The following ALG9 variants were observed in gnomAD, a reference collection of about 807,000 sequenced individuals.
ALG9 encodes the protein alpha-1,2-mannosyltransferase ALG9.
ALG9 carries 55 observed loss-of-function variants against 81.8 expected under a neutral mutation model. The ratio of observed to expected loss-of-function variants is 0.67; its 90% confidence interval spans 0.54 to 0.84. The LOEUF is 0.84. Ranked by LOEUF, ALG9 falls within the 40% of genes least tolerant of loss-of-function variation. ALG9 has a pLI of 0.00. For synonymous variants in ALG9, 278 were observed against 274.3 expected, an observed-to-expected ratio of 1.01 and a Z score of -0.13; for missense variants, 629 against 745.0, an observed-to-expected ratio of 0.84 and a Z score of 1.81.
intron 14 of ALG9, among the ~76,000 whole-genome samples, chr11:111,789,007 CTT>C (rs553216815): frequency 1.5e-5 from 2 of 135,646 alleles, no homozygotes; most frequent in Admixed American, 7.5e-5. Flanking sequence ...TTTCAACTTT[CTT>C]TTTTTTTTTT....
intron 14 of ALG9, among the ~76,000 whole-genome samples, chr11:111,801,290 T>C (rs950959992): frequency 1.4e-4 from 22 of 152,196 alleles, no homozygotes; most frequent in African/African-American, 2.7e-4. Flanking sequence ...TCTACCTTAA[T>C]TGGCCCAAAG....
At chr11:111,849,204 C>T (rs556329469) in intron 8 of ALG9, among the ~76,000 whole-genome samples, 3 of 152,190 alleles carry the variant, frequency 2.0e-5, no homozygotes, top group East Asian at 1.9e-4. Context: ...GCATGCACCA[C>T]CACGCCCAGC....
chr11:111,778,792 A>C (rs1451193348), downstream of ALG9, among the ~76,000 whole-genome samples: 2 of 150,698 alleles, frequency 1.3e-5, no homozygotes, highest in East Asian at 3.9e-4. Flanking sequence ...GGTCAACCAG[A>C]TAGTGGCAAT....
In ALG9 at chr11:111,837,471, T is replaced by A. The variant is rs782435446; in HGVS notation, c.1469A>T (p.Asp490Val). Reference protein sequence around the residue: ...YRFPSSFLLPDNWQLQFIPSE... With the variant: ...YRFPSSFLLPVNWQLQFIPSE... ...TAGGAATTAAAGGACAACTTACTTGTCAGGAAGAAGGAAGCTGCTGGGAAA... is the reference window on the plus strand; with the variant it reads ...TAGGAATTAAAGGACAACTTACTTGACAGGAAGAAGGAAGCTGCTGGGAAA... Residue 490 changes from aspartate to valine, a missense_variant, in exon 12 of 15, where the codon GAC (aspartate) becomes GTC (valine). This residue lies in a region of ALG9 where 264 missense variants were observed against 302.2 expected (regional missense o/e 0.87). Coordinates refer to ENST00000616540, the MANE Select transcript of ALG9 (RefSeq NM_024740.2). 3.7e-6 allele frequency: 6 copies of A among 1,614,112 alleles called. No individual in the cohort carries two copies. The Admixed American group carries it at 1.0e-4, about 27-fold the overall frequency.
At chr11:111,867,104 CCAAA>C (rs781802793) in intron 3 of ALG9, among the ~76,000 whole-genome samples, 19 of 152,164 alleles carry the variant, frequency 1.2e-4, no homozygotes, top group South Asian at 6.2e-4. Flanking sequence ...CAAAAACAAA[CCAAA>C]CAAACAAACA....
At chr11:111,821,882 C>T (rs1337029568) in intron 13 of ALG9, among the ~76,000 whole-genome samples, 1 of 152,150 alleles carries the variant, frequency 6.6e-6, no homozygotes, top group African/African-American at 2.4e-5. Context: ...GATCCGCCTG[C>T]CTCGGCCTCC....
At chr11:111,830,098 A>T (rs781835535) in intron 13 of ALG9, among the ~76,000 whole-genome samples, 25 of 152,238 alleles carry the variant, frequency 1.6e-4, no homozygotes, top group Non-Finnish European at 1.2e-4. Context: ...AGGAAAATAC[A>T]TTTCACTTGA....
intron 6 of ALG9, among the ~76,000 whole-genome samples, chr11:111,855,601 A>G (rs1958539306): frequency 6.6e-6 from 1 of 152,250 alleles, no homozygotes. Context: ...TTGAGGAGAC[A>G]GCAGTACTAT....
chr11:111,831,758 T>C (rs902603216), intron 13 of ALG9, among the ~76,000 whole-genome samples: 12 of 152,210 alleles, frequency 7.9e-5, no homozygotes, highest in African/African-American at 2.9e-4. Context: ...TCTAAATCTA[T>C]GATTCTTTTT....
At chr11:111,867,565 T>C (rs1358116466) in intron 3 of ALG9, among the ~76,000 whole-genome samples, 1 of 152,020 alleles carries the variant, frequency 6.6e-6, no homozygotes, top group Non-Finnish European at 1.5e-5. Flanking sequence ...AAACTAAAAA[T>C]GCAATGGACG....
At chr11:111,824,796 T>G (rs1952960244) in intron 13 of ALG9, among the ~76,000 whole-genome samples, 1 of 152,220 alleles carries the variant, frequency 6.6e-6, no homozygotes, top group Non-Finnish European at 1.5e-5. Flanking sequence ...TAGATAAAGT[T>G]CTACCCAGGT....
At chr11:111,871,217 C>T in intron 1 of ALG9, 135 bp downstream of exon 1, 1 of 1,312,524 alleles carries the variant, frequency 7.6e-7, no homozygotes, top group Non-Finnish European at 9.6e-7. Flanking sequence ...TAGGACCTAG[C>T]TGAAGAGGGA....
At chr11:111,862,301 T>C (rs1433018838) in intron 4 of ALG9, among the ~76,000 whole-genome samples, 7 of 151,726 alleles carry the variant, frequency 4.6e-5, no homozygotes, top group East Asian at 1.9e-4. Context: ...TGGGGTGATC[T>C]TGGCTCACTG....
At chr11:111,797,980 T>C (rs1235878761) in intron 14 of ALG9, 1 of 157,184 alleles carries the variant, frequency 6.4e-6, no homozygotes, top group Non-Finnish European at 1.4e-5. Context: ...TCTAACTCCT[T>C]ATTTGTATTT....
At position 111,809,638 on chromosome 11, in the gene ALG9, C is replaced by T; in HGVS notation, c.1733+5G>A. On this transcript the variant is annotated splice_donor_5th_base_variant and intron_variant, in intron 14 of 14. Transcript: ENST00000616540. The stretch of plus-strand genomic sequence containing the variant: ...GGAATATCCCATAGGATTAAAGCCA[C>T]ATACCTAGAAGCATCAAGGAATGGT... The T allele has an allele frequency of 6.2e-7, 1 of 1,613,968 alleles. No individual in the cohort carries two copies. The highest frequency in any genetic ancestry group is 2.2e-5 in the East Asian group (1 of 44,870).
downstream of ALG9, among the ~76,000 whole-genome samples, chr11:111,779,783 A>ATTT (rs1945830821): frequency 6.6e-6 from 1 of 152,240 alleles, no homozygotes; most frequent in Non-Finnish European, 1.5e-5. Context: ...AGGGAAAAAA[A>ATTT]AGCTCATACT....
intron 8 of ALG9, among the ~76,000 whole-genome samples, chr11:111,850,644 T>C (rs936057312): frequency 7.4e-6 from 1 of 134,642 alleles, no homozygotes; most frequent in Non-Finnish European, 1.5e-5. Flanking sequence ...GAGGCAGAGG[T>C]TGCAGTGAGC....
chr11:111,783,793 C>A lies in ALG9; in HGVS notation c.*2604G>T, dbSNP rs1324216311. 5 of 152,060 alleles carry A rather than the reference C, an allele frequency of 3.3e-5. No individual in the cohort carries two copies. The highest frequency in any genetic ancestry group is 4.1e-4 in the South Asian group (2 of 4,828). 9.4% of individuals were successfully genotyped at this position (152,060 alleles called of 1,614,324 possible). A position where few individuals can be genotyped will look rare whatever the true frequency, so the allele number is the denominator to read the frequency against. Reference sequence around the variant, plus strand: ...CGTTCTGCCATGTATTGTGCTCTCACTAAAGACATACATAGAACAGAGAGA... The same window carrying A: ...CGTTCTGCCATGTATTGTGCTCTCAATAAAGACATACATAGAACAGAGAGA... On this transcript the variant is annotated 3_prime_UTR_variant, in exon 15 of 15. Coordinates refer to ENST00000616540, the MANE Select transcript of ALG9 (RefSeq NM_024740.2).
intron 14 of ALG9, among the ~76,000 whole-genome samples, chr11:111,804,171 T>TCCTA (rs1949582639): frequency 6.8e-6 from 1 of 146,822 alleles, no homozygotes; most frequent in South Asian, 2.1e-4. Context: ...ACAACAAAAC[T>TCCTA]GAAAGTATAA....
Sources: gnomAD v4.1 joint callset for allele counts (sites outside exome capture counted in the v4.1 genomes callset) on GRCh38, gnomAD v4.1.1 for gene constraint, gnomAD v4.1.1 regional missense constraint, MANE v1.5 for transcripts, NCBI Gene and HGNC (gene_info 2026-07-23, HGNC 2026-07-21) for gene names.